Variants in FAM184A observed in about 807,000 individuals in gnomAD.
FAM184A encodes the protein protein FAM184A.
FAM184A carries 99 observed loss-of-function variants against 143.8 expected under a neutral mutation model. That is an observed-to-expected ratio of 0.69 (90% CI 0.58 to 0.81). The LOEUF is 0.81. FAM184A is among the 40% of genes least tolerant of loss of function. FAM184A has a pLI of 0.00. For synonymous variants in FAM184A, 427 were observed against 446.4 expected (o/e 0.96, Z 0.55); for missense variants, 1,217 against 1,310.5 (o/e 0.93, Z 1.10).
chr6:118,960,900 CA>C, intron 17 of FAM184A: 1 of 1,152,028 alleles, frequency 8.7e-7, no homozygotes, highest in South Asian at 1.3e-5. Flanking sequence ...ATAAGCAACA[CA>C]AAATATTTAG....
At chr6:119,084,380 G>T (rs1291214913) in intron 1 of FAM184A, among the ~76,000 whole-genome samples, 1 of 152,174 alleles carries the variant, frequency 6.6e-6, no homozygotes, top group African/African-American at 2.4e-5. Context: ...ACCCAGCAAG[G>T]CAGTCATTAA....
rs371465166 is a variant in FAM184A at position 119,006,541 on chromosome 6, G to T, written c.1721C>A (p.Ala574Asp). ...CCTTTCCTGGGAGTCCTGAAGACTA[G>T]CAATAAGTCCTTCTGCAGAGCCAAG... is the stretch of plus-strand genomic sequence containing the variant. Reference protein sequence around the residue: ...QGLGSAEGLIASLQDSQERLQ... With the variant: ...QGLGSAEGLIDSLQDSQERLQ... Residue 574 changes from alanine to aspartate, a missense_variant, in exon 7 of 18, where the codon GCT becomes GAT. Physicochemically the swap from Ala to Asp is moderately radical, Grantham distance 126 (BLOSUM62 -2). Coordinates refer to ENST00000338891, the MANE Select transcript of FAM184A (RefSeq NM_024581.6). The T allele has an allele frequency of 1.2e-6, 2 of 1,613,818 alleles. No homozygotes were observed. Among genetic ancestry groups the T allele is most frequent in the Non-Finnish European group, 1.7e-6 (2 of 1,179,918 alleles).
intron 1 of FAM184A, among the ~76,000 whole-genome samples, chr6:119,115,970 A>C (rs371791737): frequency 2.2e-5 from 3 of 137,396 alleles, no homozygotes; most frequent in African/African-American, 8.2e-5. Flanking sequence ...CTCCGTCTCA[A>C]ACACACACAC....
chr6:119,119,638 C>T (rs1308541207), intron 1 of FAM184A, among the ~76,000 whole-genome samples: 1 of 152,034 alleles, frequency 6.6e-6, no homozygotes, highest in Non-Finnish European at 1.5e-5. Context: ...AAAAACTTCT[C>T]CAACATGTCA....
chr6:119,104,727 G>A (rs1788733031), intron 1 of FAM184A, among the ~76,000 whole-genome samples: 1 of 152,092 alleles, frequency 6.6e-6, no homozygotes, highest in South Asian at 2.1e-4. Context: ...CTCCTTAAGT[G>A]TGGACTGCAA....
intron 1 of FAM184A, among the ~76,000 whole-genome samples, chr6:119,087,602 C>T (rs754508654): frequency 6.6e-6 from 1 of 152,140 alleles, no homozygotes; most frequent in Non-Finnish European, 1.5e-5. Context: ...AGAAAAATAA[C>T]AAGTGGTACA....
At chr6:118,960,994 C>G (rs1783305659) in intron 17 of FAM184A, 1 of 308,420 alleles carries the variant, frequency 3.2e-6, no homozygotes, top group Non-Finnish European at 6.2e-6. Flanking sequence ...TCACTAATCA[C>G]TTAGCCTAAA....
At chr6:119,041,969 C>T (rs976025728) in intron 1 of FAM184A, among the ~76,000 whole-genome samples, 2 of 152,064 alleles carry the variant, frequency 1.3e-5, no homozygotes, top group African/African-American at 2.4e-5. Flanking sequence ...TCAGAGAACA[C>T]GAGGCTTGCC....
chr6:119,036,611 A>G (rs1786123806), intron 1 of FAM184A, among the ~76,000 whole-genome samples: 1 of 152,066 alleles, frequency 6.6e-6, no homozygotes, highest in Admixed American at 6.6e-5. Flanking sequence ...CTATACAGCT[A>G]TGATTCAGGA....
intron 1 of FAM184A, among the ~76,000 whole-genome samples, chr6:119,096,723 GC>G (rs1459587987): frequency 6.6e-6 from 1 of 152,108 alleles, no homozygotes; most frequent in Non-Finnish European, 1.5e-5. Context: ...ATTGGTCTAG[GC>G]TGAGATTCAG....
chr6:119,027,304 C>T (rs1220992424), intron 1 of FAM184A, among the ~76,000 whole-genome samples: 1 of 152,146 alleles, frequency 6.6e-6, no homozygotes, highest in Non-Finnish European at 1.5e-5. Flanking sequence ...CTCAAGATTC[C>T]CTGAGGCTGT....
chr6:119,039,855 G>T (rs1008351847), intron 1 of FAM184A, among the ~76,000 whole-genome samples: 1 of 152,174 alleles, frequency 6.6e-6, no homozygotes, highest in African/African-American at 2.4e-5. Flanking sequence ...GCAACTTCCT[G>T]GACATGCAGA....
intron 1 of FAM184A, among the ~76,000 whole-genome samples, chr6:119,069,452 A>G (rs2114784766): frequency 6.6e-6 from 1 of 152,340 alleles, no homozygotes; most frequent in African/African-American, 2.4e-5. Flanking sequence ...TGAAAAATGC[A>G]AATACCTGTG....
At chr6:119,102,166 G>A (rs1047007055) in intron 1 of FAM184A, among the ~76,000 whole-genome samples, 2 of 152,134 alleles carry the variant, frequency 1.3e-5, no homozygotes, top group Admixed American at 1.3e-4. Flanking sequence ...TTAGGGCAGG[G>A]CACAGGAAAC....
At chr6:119,063,249 G>GTT (rs1330481670) in intron 1 of FAM184A, among the ~76,000 whole-genome samples, 1 of 152,146 alleles carries the variant, frequency 6.6e-6, no homozygotes, top group Non-Finnish European at 1.5e-5. Flanking sequence ...TACATCACAT[G>GTT]TTGCTGTAAA....
At chr6:119,139,687 T>C (rs1772149929) in intron 1 of FAM184A, among the ~76,000 whole-genome samples, 1 of 151,590 alleles carries the variant, frequency 6.6e-6, no homozygotes, top group Non-Finnish European at 1.5e-5. Flanking sequence ...TGGTGACCCA[T>C]TTAAAACTAA....
chr6:118,979,498 T>C lies in FAM184A; in HGVS notation c.2322A>G (p.Gln774=), dbSNP rs1304313791. The part of the protein sequence containing the change: ...KEQRALENHL[Q]QKHSAELQSL... ...ATTGAAGCTCTGCAGAATGCTTCTGTTGTAAATGATTTTCAAGAGCCTAGA... is the reference window on the plus strand; with the variant it reads ...ATTGAAGCTCTGCAGAATGCTTCTGCTGTAAATGATTTTCAAGAGCCTAGA... The change falls in exon 11 of 18, where the codon CAA becomes CAG. Residue 774 remains glutamine, a synonymous_variant. Coordinates refer to ENST00000338891, the MANE Select transcript of FAM184A (RefSeq NM_024581.6). The C allele has an allele frequency of 6.2e-7, 1 of 1,610,236 alleles. No individual in the cohort carries two copies. Among genetic ancestry groups the C allele is most frequent in the Non-Finnish European group, 8.5e-7 (1 of 1,179,020 alleles).
At chr6:119,068,344 T>C (rs117349901) in intron 1 of FAM184A, among the ~76,000 whole-genome samples, 2,709 of 152,194 alleles carry the variant, frequency 0.018, 37 homozygotes, top group South Asian at 0.046. Context: ...CCACTGCGCC[T>C]GGCCTAAAAA....
At chr6:119,003,442 A>G (rs924323131) in intron 8 of FAM184A, 59 bp downstream of exon 8, 1 of 1,530,722 alleles carries the variant, frequency 6.5e-7, no homozygotes, top group African/African-American at 1.4e-5. Flanking sequence ...TGTGAGTCAT[A>G]CAAGAGAAAA....
Sources: allele counts gnomAD v4.1 joint callset (sites outside exome capture counted in the v4.1 genomes callset), GRCh38; gene constraint gnomAD v4.1.1; transcripts MANE v1.5; gene names NCBI Gene and HGNC (gene_info 2026-07-23, HGNC 2026-07-21).